ASTN2: variants seen among roughly 807,000 people sequenced by gnomAD.
ASTN2 encodes the protein astrotactin-2.
Under a neutral mutation model 139.8 loss-of-function variants are expected in ASTN2, and 54 were observed. The observed-to-expected ratio is 0.39, with a 90% CI of 0.31 to 0.48. ASTN2 has a LOEUF of 0.48. Among genes scored for constraint, ASTN2 ranks in the 20% least tolerant of loss-of-function variants. The probability of loss-of-function intolerance (pLI) is 0.95; values close to 1 mark genes in which losing one functional copy is unlikely to be tolerated. For synonymous variants in ASTN2, 756 were observed against 719.5 expected (o/e 1.05, Z -0.81); for missense variants, 1,565 against 1,725.1 (o/e 0.91, Z 1.64).
chr9:116,908,139 G>A (rs910502103), intron 10 of ASTN2, among the ~76,000 whole-genome samples: 1 of 152,134 alleles, frequency 6.6e-6, no homozygotes, highest in Non-Finnish European at 1.5e-5. Context: ...ATGGGTTGTG[G>A]TCCAAATTCT....
intron 7 of ASTN2, among the ~76,000 whole-genome samples, chr9:116,995,524 T>A (rs191195687): frequency 0.014 from 2,096 of 152,330 alleles, 28 homozygotes; most frequent in Non-Finnish European, 0.023. Context: ...AAGCAGTGGA[T>A]AATGCAGACA....
chr9:117,374,023 G>GA (rs1294588755), intron 1 of ASTN2, among the ~76,000 whole-genome samples: 1 of 152,070 alleles, frequency 6.6e-6, no homozygotes, highest in Non-Finnish European at 1.5e-5. Context: ...GACAGAAGGG[G>GA]AAAAATACAT....
At chr9:117,209,318 C>T (rs1052264234) in intron 3 of ASTN2, among the ~76,000 whole-genome samples, 5 of 151,980 alleles carry the variant, frequency 3.3e-5, no homozygotes, top group Admixed American at 3.3e-4. Flanking sequence ...ATTCACTTTT[C>T]CTGTAAAGAC....
At chr9:117,184,392 A>ATAATGAAGTAGATGCATC (rs1389043772) in intron 3 of ASTN2, among the ~76,000 whole-genome samples, 1 of 152,166 alleles carries the variant, frequency 6.6e-6, no homozygotes, top group East Asian at 1.9e-4. Flanking sequence ...TAACGCAATT[A>ATAATGAAGTAGATGCATC]TAATGAAGTA....
intron 19 of ASTN2, among the ~76,000 whole-genome samples, chr9:116,523,800 C>G (rs1012152172): frequency 1.3e-5 from 2 of 152,114 alleles, no homozygotes; most frequent in Non-Finnish European, 2.9e-5. Context: ...ATTTGCTAAA[C>G]CAAGCAGTTC....
intron 14 of ASTN2, among the ~76,000 whole-genome samples, 177 bp from the exon 15 acceptor site, chr9:116,729,273 G>A (rs976996350): frequency 1.6e-4 from 24 of 152,040 alleles, no homozygotes; most frequent in Non-Finnish European, 3.5e-4. Context: ...TCTAATCTCA[G>A]CCCTACCCCT....
At chr9:116,765,171 G>A (rs1382680897) in intron 13 of ASTN2, among the ~76,000 whole-genome samples, 1 of 152,146 alleles carries the variant, frequency 6.6e-6, no homozygotes, top group East Asian at 1.9e-4. Flanking sequence ...TTCTACCTGA[G>A]AGCATCATCC....
chr9:116,982,823 C>T (rs759530543), intron 7 of ASTN2, among the ~76,000 whole-genome samples: 41 of 152,154 alleles, frequency 2.7e-4, no homozygotes, highest in Admixed American at 7.9e-4. Flanking sequence ...AGATAATCCC[C>T]GAAGCTGTTC....
chr9:116,954,300 T>C (rs1406335921), intron 10 of ASTN2, among the ~76,000 whole-genome samples: 1 of 152,218 alleles, frequency 6.6e-6, no homozygotes, highest in African/African-American at 2.4e-5. Flanking sequence ...TACTTAGTTA[T>C]ACAGGAGAAA....
At chr9:116,863,161 G>A (rs1832935114) in intron 11 of ASTN2, among the ~76,000 whole-genome samples, 1 of 152,058 alleles carries the variant, frequency 6.6e-6, no homozygotes, top group Non-Finnish European at 1.5e-5. Context: ...AGCCTTCTAC[G>A]AAACTGAGGT....
intron 19 of ASTN2, among the ~76,000 whole-genome samples, chr9:116,504,914 A>AAAC (rs3040260): frequency 6.7e-6 from 1 of 148,586 alleles, no homozygotes; most frequent in Admixed American, 6.7e-5. Context: ...AAAAAAAAAA[A>AAAC]CCCAAAACAA....
At chr9:117,374,058 A>G (rs1830056975) in intron 1 of ASTN2, among the ~76,000 whole-genome samples, 1 of 152,204 alleles carries the variant, frequency 6.6e-6, no homozygotes, top group South Asian at 2.1e-4. Flanking sequence ...AAGAATGAAG[A>G]AAGTGGGGGA....
At position 116,699,707 on chromosome 9, in the gene ASTN2, G is replaced by T. The variant is rs200638331; in HGVS notation, c.2806+26064C>A. ...TGAGAAGATATTCCACCCCATAGGG[G>T]ATGAGAAATTATCAGTTTCTTCTGC... is the stretch of plus-strand genomic sequence containing the variant. On this transcript the variant is annotated intron_variant, in intron 16 of 22. Coordinates refer to ENST00000313400, the MANE Select transcript of ASTN2 (RefSeq NM_001365068.1). This position sits in a 1 kb window ranked among gnomAD's most constrained non-coding sequence, Gnocchi z 4.2. 9.9e-6 allele frequency: 16 copies of T among 1,614,072 alleles called. No individual in the cohort carries two copies. Among genetic ancestry groups the T allele is most frequent in the Non-Finnish European group, 1.1e-5 (13 of 1,180,044 alleles).
chr9:116,807,561 G>A (rs1026603138), intron 12 of ASTN2, among the ~76,000 whole-genome samples: 1 of 152,132 alleles, frequency 6.6e-6, no homozygotes, highest in South Asian at 2.1e-4. Context: ...CCTTCTTTTT[G>A]CATCTGTTAA....
At chr9:117,099,379 C>T (rs758938933) in intron 4 of ASTN2, among the ~76,000 whole-genome samples, 3 of 152,156 alleles carry the variant, frequency 2.0e-5, no homozygotes, top group Non-Finnish European at 4.4e-5. Context: ...TTCCAATCTC[C>T]ACTTTATCTT....
intron 10 of ASTN2, among the ~76,000 whole-genome samples, chr9:116,950,186 T>C (rs915166975): frequency 6.6e-6 from 1 of 152,152 alleles, no homozygotes; most frequent in African/African-American, 2.4e-5. Context: ...CCTTGTAGGA[T>C]GTTTAGCAGC....
chr9:116,483,331 G>A (rs1250190928), intron 20 of ASTN2, among the ~76,000 whole-genome samples: 1 of 152,224 alleles, frequency 6.6e-6, no homozygotes, highest in Non-Finnish European at 1.5e-5. Context: ...GTGAGCTTAG[G>A]ACAGAAAATC....
At chr9:117,220,240 A>G (rs1832469480) in intron 2 of ASTN2, among the ~76,000 whole-genome samples, 1 of 152,006 alleles carries the variant, frequency 6.6e-6, no homozygotes, top group African/African-American at 2.4e-5. Context: ...AATAATGTCC[A>G]GGTTCCCTAG....
intron 11 of ASTN2, among the ~76,000 whole-genome samples, chr9:116,836,226 C>G (rs1323566806): frequency 6.6e-6 from 1 of 151,654 alleles, no homozygotes; most frequent in East Asian, 1.9e-4. Flanking sequence ...GAAGGTGGCC[C>G]CATGAATGCT....
Sources: allele counts gnomAD v4.1 joint callset (sites outside exome capture counted in the v4.1 genomes callset), GRCh38; gene constraint gnomAD v4.1.1; non-coding constraint Gnocchi (gnomAD v3.1); transcripts MANE v1.5; gene names NCBI Gene and HGNC (gene_info 2026-07-23, HGNC 2026-07-21).